Variants in EPHB1 observed in about 807,000 individuals in gnomAD.
The protein encoded by EPHB1 is ephrin type-B receptor 1.
In EPHB1, 30 loss-of-function variants were observed where a neutral mutation model predicts 94.4. That is an observed-to-expected ratio of 0.32 (90% CI 0.24 to 0.43). EPHB1 has a LOEUF of 0.43. Ranked by LOEUF, EPHB1 falls within the 20% of genes least tolerant of loss-of-function variation. The pLI, the probability that EPHB1 is intolerant of heterozygous loss-of-function variation, is 1.00. For synonymous variants in EPHB1, 522 were observed against 489.1 expected, an observed-to-expected ratio of 1.07 and a Z score of -0.89; for missense variants, 1,055 against 1,308.3, an observed-to-expected ratio of 0.81 and a Z score of 2.99.
chr3:135,223,738 C>T (rs890254044), intron 12 of EPHB1, among the ~76,000 whole-genome samples: 1 of 152,126 alleles, frequency 6.6e-6, no homozygotes, highest in Admixed American at 6.5e-5. Flanking sequence ...CTTTTAGATA[C>T]CTGATCAATT....
chr3:135,256,467 T>C (rs1332427749), intron 15 of EPHB1, among the ~76,000 whole-genome samples: 2 of 152,202 alleles, frequency 1.3e-5, no homozygotes, highest in Non-Finnish European at 2.9e-5. Flanking sequence ...TTATTTCTCC[T>C]TCCCTTATGA....
chr3:134,948,515 A>G (rs2039258800), intron 2 of EPHB1, among the ~76,000 whole-genome samples: 1 of 152,156 alleles, frequency 6.6e-6, no homozygotes, highest in South Asian at 2.1e-4. Context: ...ATTTGATAGA[A>G]CAAAACACAG....
intron 1 of EPHB1, among the ~76,000 whole-genome samples, chr3:134,833,661 G>A (rs2036618324): frequency 6.6e-6 from 1 of 152,164 alleles, no homozygotes; most frequent in South Asian, 2.1e-4. Flanking sequence ...GTATGCTGTG[G>A]GGCCCCAGGG....
At chr3:134,897,469 G>A (rs529496219) in intron 1 of EPHB1, among the ~76,000 whole-genome samples, 3 of 152,256 alleles carry the variant, frequency 2.0e-5, no homozygotes, top group East Asian at 1.9e-4. Flanking sequence ...CTCTTAAGGC[G>A]CTCCTCACAT....
At chr3:135,183,540 C>T (rs1409482541) in intron 10 of EPHB1, among the ~76,000 whole-genome samples, 2 of 152,150 alleles carry the variant, frequency 1.3e-5, no homozygotes, top group Non-Finnish European at 2.9e-5. Context: ...CAAGTCCTGC[C>T]ATGCAGGGGT....
chr3:134,997,639 A>C (rs1431396274), intron 3 of EPHB1, among the ~76,000 whole-genome samples: 1 of 152,164 alleles, frequency 6.6e-6, no homozygotes, highest in Non-Finnish European at 1.5e-5. Context: ...TTTCTGCTAT[A>C]ACGTTTTTAG....
chr3:134,917,279 G>C (rs2038595145), intron 1 of EPHB1, among the ~76,000 whole-genome samples: 1 of 152,218 alleles, frequency 6.6e-6, no homozygotes, highest in South Asian at 2.1e-4. Context: ...GCCAAGCTGG[G>C]CTGGGCAGGT....
In EPHB1 at chr3:135,036,997, T is replaced by TA. The variant is rs1327270079; in HGVS notation, c.806-69450dup. ...AGGACCAGAGCAATGGGGTGGTAAA[T>TA]AGACTACCGAGAAGATAGATGGATT... On this transcript the variant is annotated intron_variant, in intron 3 of 15. Transcript: ENST00000398015. Among the ~76,000 whole-genome samples, 2 of 151,966 alleles carry TA rather than the reference T, an allele frequency of 1.3e-5. 1 individual carries two copies. The highest frequency in any genetic ancestry group is 2.9e-5 in the Non-Finnish European group (2 of 67,992).
At chr3:135,175,052 A>T (rs182758230) in intron 9 of EPHB1, among the ~76,000 whole-genome samples, 1 of 152,294 alleles carries the variant, frequency 6.6e-6, no homozygotes, top group African/African-American at 2.4e-5. Context: ...CTGAATGCAC[A>T]GGAGGCCTGG....
At chr3:135,099,012 CAAAAAAAAA>C (rs34508563) in intron 3 of EPHB1, among the ~76,000 whole-genome samples, 3 of 64,484 alleles carry the variant, frequency 4.7e-5, no homozygotes, top group South Asian at 7.8e-4. Context: ...GACCCTGCCT[CAAAAAAAAA>C]AAAAAAAAAA....
At chr3:134,937,197 T>G (rs2107707713) in intron 2 of EPHB1, among the ~76,000 whole-genome samples, 1 of 152,332 alleles carries the variant, frequency 6.6e-6, no homozygotes, top group South Asian at 2.1e-4. Context: ...GGAATACTTT[T>G]TCTCAATGGA....
At chr3:135,052,180 A>C in intron 3 of EPHB1, among the ~76,000 whole-genome samples, 1 of 152,324 alleles carries the variant, frequency 6.6e-6, no homozygotes, top group East Asian at 1.9e-4. Flanking sequence ...GCAGATATCA[A>C]ACTGGAGTTA....
At chr3:134,811,242 G>GTT (rs397966930) in intron 1 of EPHB1, among the ~76,000 whole-genome samples, 1,841 of 73,576 alleles carry the variant, frequency 0.025, 146 homozygotes, top group African/African-American at 0.07. Flanking sequence ...TACTAAGAAG[G>GTT]TTTTTTTTTT....
At chr3:134,817,175 G>A (rs777112450) in intron 1 of EPHB1, among the ~76,000 whole-genome samples, 1 of 152,086 alleles carries the variant, frequency 6.6e-6, no homozygotes, top group Non-Finnish European at 1.5e-5. Context: ...ACTATGGGCT[G>A]CCTGTTTTTG....
intron 8 of EPHB1, 31 bp from the exon 9 acceptor site, chr3:135,166,911 T>G: frequency 6.2e-7 from 1 of 1,613,322 alleles, no homozygotes; most frequent in East Asian, 2.2e-5. Context: ...GTGTGCCCTG[T>G]GGCTGAGAGA....
intron 12 of EPHB1, among the ~76,000 whole-genome samples, chr3:135,223,226 T>C (rs1398697289): frequency 6.6e-6 from 1 of 152,238 alleles, no homozygotes; most frequent in Non-Finnish European, 1.5e-5. Flanking sequence ...ATGGGAGATG[T>C]GGCCAGTCCT....
chr3:135,083,074 G>A (rs142110335), intron 3 of EPHB1, among the ~76,000 whole-genome samples: 49 of 152,276 alleles, frequency 3.2e-4, no homozygotes, highest in African/African-American at 1.1e-3. Context: ...TGTGTTCACC[G>A]GGAGCCAGTC....
chr3:135,074,391 T>C (rs891660513), intron 3 of EPHB1, among the ~76,000 whole-genome samples: 5 of 152,204 alleles, frequency 3.3e-5, no homozygotes, highest in African/African-American at 1.2e-4. Context: ...GGTTTTTTTT[T>C]CCTCCACTCC....
At chr3:135,104,980 C>G (rs1260239413) in intron 3 of EPHB1, among the ~76,000 whole-genome samples, 3 of 152,170 alleles carry the variant, frequency 2.0e-5, no homozygotes, top group Non-Finnish European at 4.4e-5. Context: ...ATCATTTCTC[C>G]CACTGTGTGA....
Sources: gnomAD v4.1 joint callset for allele counts (sites outside exome capture counted in the v4.1 genomes callset) on GRCh38, gnomAD v4.1.1 for gene constraint, MANE v1.5 for transcripts, NCBI Gene and HGNC (gene_info 2026-07-23, HGNC 2026-07-21) for gene names.